Variants in ZNF682 observed in about 807,000 individuals in gnomAD.
The protein encoded by ZNF682 is zinc finger protein 682.
Under a neutral mutation model 36.5 loss-of-function variants are expected in ZNF682, and 29 were observed. The ratio of observed to expected loss-of-function variants is 0.80; its 90% confidence interval spans 0.59 to 1.08. The LOEUF is 1.08. ZNF682 is among the 50% of genes least tolerant of loss of function. The pLI, the probability that ZNF682 is intolerant of heterozygous loss-of-function variation, is 0.00. For missense variants in ZNF682, 561 were observed against 579.7 expected (o/e 0.97, Z 0.33); for synonymous variants, 180 against 197.0 (o/e 0.91, Z 0.72).
chr19:20,023,587 CCTACCCAATA>C lies in ZNF682; in HGVS notation c.131-498_131-489del, dbSNP rs1050697224. ...TTTATATTTGTGGGTCTTTAGCTTC[CCTACCCAATA>C]CTACTTAATCGAAAATTGGTGGTAG... On this transcript the variant is annotated intron_variant, in intron 2 of 3. Coordinates refer to ENST00000397165, the MANE Select transcript of ZNF682 (RefSeq NM_033196.3). Among the ~76,000 whole-genome samples, 69 of 151,998 alleles carry C rather than the reference CCTACCCAATA, an allele frequency of 4.5e-4. 1 individual carries two copies. Among genetic ancestry groups the C allele is most frequent in the African/African-American group, 1.6e-3 (68 of 41,364 alleles).
At position 20,039,422 on chromosome 19, in the gene ZNF682, G is replaced by C. The variant is rs2088564689; in HGVS notation, c.-77C>G. The C allele has an allele frequency of 5.0e-6, 8 of 1,593,356 alleles. No individual in the cohort carries two copies. Among genetic ancestry groups the C allele is most frequent in the Non-Finnish European group, 5.1e-6 (6 of 1,169,774 alleles). ...TGCAAGTCAGAGGGCAACAGAGGCT[G>C]CGACAGTCACCGGGAACTACTAGAG... is the stretch of plus-strand genomic sequence containing the variant. On this transcript the variant is annotated 5_prime_UTR_variant, in exon 1 of 4. Coordinates refer to ENST00000397165, the MANE Select transcript of ZNF682 (RefSeq NM_033196.3).
chr19:20,028,415 T>C (rs2088451142), intron 1 of ZNF682, among the ~76,000 whole-genome samples: 1 of 152,122 alleles, frequency 6.6e-6, no homozygotes, highest in South Asian at 2.1e-4. Flanking sequence ...TTTCACGATA[T>C]TGGCTAGGCT....
intron 1 of ZNF682, among the ~76,000 whole-genome samples, chr19:20,026,750 G>T (rs778819272): frequency 2.6e-5 from 4 of 152,194 alleles, no homozygotes; most frequent in African/African-American, 9.7e-5. Flanking sequence ...ACAGGCATGA[G>T]CCACTGTGCC....
chr19:20,012,786 A>G (rs1439246512), intron 3 of ZNF682, among the ~76,000 whole-genome samples: 12 of 140,574 alleles, frequency 8.5e-5, no homozygotes, highest in Admixed American at 5.7e-4. Context: ...AAAAAAAAAA[A>G]GAAATTTAAA....
downstream of ZNF682, among the ~76,000 whole-genome samples, chr19:20,002,965 C>T (rs142594139): frequency 1.0e-2 from 1,503 of 150,630 alleles, 75 homozygotes; most frequent in Admixed American, 0.075. Flanking sequence ...CTGAGGCGGG[C>T]GGATCACGAG....
intron 3 of ZNF682, among the ~76,000 whole-genome samples, chr19:20,013,056 C>A (rs181929222): frequency 6.6e-6 from 1 of 152,086 alleles, no homozygotes; most frequent in East Asian, 1.9e-4. Flanking sequence ...CAACTACATT[C>A]TTTTTACAAG....
At chr19:20,017,762 T>G (rs936087338) in intron 3 of ZNF682, among the ~76,000 whole-genome samples, 1 of 152,170 alleles carries the variant, frequency 6.6e-6, no homozygotes, top group Non-Finnish European at 1.5e-5. Context: ...CATGATATTC[T>G]CAATTACACA....
chr19:20,018,274 T>C (rs1036682728), intron 3 of ZNF682, among the ~76,000 whole-genome samples: 2 of 151,294 alleles, frequency 1.3e-5, no homozygotes, highest in Non-Finnish European at 2.9e-5. Flanking sequence ...TTTGTATTTT[T>C]AGTAGAGACG....
At chr19:19,995,750 C>T (rs894383186), downstream of ZNF682, among the ~76,000 whole-genome samples, 1 of 143,428 alleles carries the variant, frequency 7.0e-6, no homozygotes, top group African/African-American at 2.6e-5. Flanking sequence ...TCTGTGAACA[C>T]ATGAAGAGGA....
chr19:20,026,555 G>A (rs59282137), intron 1 of ZNF682, among the ~76,000 whole-genome samples: 9 of 151,972 alleles, frequency 5.9e-5, no homozygotes, highest in African/African-American at 1.9e-4. Context: ...CTGCAACCTC[G>A]CCTCCTGGGT....
chr19:20,001,146 T>C (rs897322448), downstream of ZNF682, among the ~76,000 whole-genome samples: 93 of 152,314 alleles, frequency 6.1e-4, no homozygotes, highest in African/African-American at 2.1e-3. Flanking sequence ...TGTAGAAATA[T>C]TAGAGGAAAG....
chr19:20,024,255 G>C lies in ZNF682; in HGVS notation c.125C>G (p.Ser42Cys). 6.2e-7 allele frequency: 1 copy of C among 1,613,852 alleles called. No individual in the cohort carries two copies. Among genetic ancestry groups the C allele is most frequent in the Non-Finnish European group, 8.5e-7 (1 of 1,179,926 alleles). The change falls in exon 2 of 4, where the codon TCT (serine) becomes TGT (cysteine). Residue 42 changes from serine (S) to cysteine (C), a missense_variant. Physicochemically the swap from Ser to Cys is moderately radical, Grantham distance 112. Transcript: ENST00000397165. ...TGTATTGAAGTTATTCTCACCCAGAGAGACCAGGTTTCTGTAGTTCTCTAG... is the reference window on the plus strand; with the variant it reads ...TGTATTGAAGTTATTCTCACCCAGACAGACCAGGTTTCTGTAGTTCTCTAG... ...VMLENYRNLVSLGLTVSKPEL... is the reference protein window; with the variant it reads ...VMLENYRNLVCLGLTVSKPEL...
chr19:20,028,822 G>A lies in ZNF682; in HGVS notation c.4-4446C>T, dbSNP rs140311976. Among the ~76,000 whole-genome samples, 38 of 152,270 alleles carry A rather than the reference G, an allele frequency of 2.5e-4. No homozygotes were observed. The East Asian group carries it at 7.3e-3, about 29-fold the overall frequency. ...ATGCGATGTTTATGGAGCATGCGCTGTGTGCTCAGAAGCACACTATAGAGC... is the reference window on the plus strand; with the variant it reads ...ATGCGATGTTTATGGAGCATGCGCTATGTGCTCAGAAGCACACTATAGAGC... On this transcript the variant is annotated intron_variant, in intron 1 of 3. Coordinates refer to ENST00000397165, the MANE Select transcript of ZNF682 (RefSeq NM_033196.3).
chr19:19,997,374 G>A (rs796780698), intron 3 of ZNF682: 1 of 397,310 alleles, frequency 2.5e-6, no homozygotes, highest in Admixed American at 4.4e-5. Flanking sequence ...GACCTCAATG[G>A]TTTCACATAC....
chr19:20,029,759 T>C (rs921095527), intron 1 of ZNF682, among the ~76,000 whole-genome samples: 4 of 152,134 alleles, frequency 2.6e-5, no homozygotes, highest in Non-Finnish European at 5.9e-5. Context: ...GAGCAACTGC[T>C]GGATATGCAG....
chr19:20,029,655 T>C (rs1414177884), intron 1 of ZNF682, among the ~76,000 whole-genome samples: 2 of 150,938 alleles, frequency 1.3e-5, no homozygotes, highest in Non-Finnish European at 3.0e-5. Context: ...AAGCTGAAGA[T>C]AGACACAAGA....
Position 20,006,116 on chromosome 19 carries a change from A to T in ZNF682, c.1386T>A (p.Phe462Leu). The T allele has an allele frequency of 6.2e-7, 1 of 1,614,146 alleles. No homozygotes were observed. The highest frequency in any genetic ancestry group is 1.1e-5 in the South Asian group (1 of 91,088). ...RYKCEECGKA[F>L]KRCSHLNEHK... ...GTTCATTAAGATGTGAGCACCGTTT[A>T]AAAGCTTTGCCACATTCTTCACATT... is the stretch of plus-strand genomic sequence containing the variant. Residue 462 changes from phenylalanine (F) to leucine (L), a missense_variant, in exon 4 of 4, where the codon TTT becomes TTA. By Grantham distance (22) the Phe-to-Leu change is conservative. Coordinates refer to ENST00000397165, the MANE Select transcript of ZNF682 (RefSeq NM_033196.3).
At chr19:20,038,501 G>A (rs1272737939) in intron 1 of ZNF682, among the ~76,000 whole-genome samples, 1 of 151,822 alleles carries the variant, frequency 6.6e-6, no homozygotes, top group Non-Finnish European at 1.5e-5. Flanking sequence ...GTAGCTTTGA[G>A]ATTCTGTTTG....
rs1255296543 is a variant in ZNF682, at chr19:20,005,020, T to TA, written c.*984dup. 2.0e-5 allele frequency: 3 copies of TA among 152,200 alleles called. No individual in the cohort carries two copies. In the East Asian group the frequency reaches 5.8e-4, roughly 29 times the overall value. 9.4% of individuals were successfully genotyped at this position (152,200 alleles called of 1,614,324 possible). ...GAATCTTCTGATGTTCATTTAGACTTAATTTTTTATTAATTTTTTATATTT... is the reference window on the plus strand; with the variant it reads ...GAATCTTCTGATGTTCATTTAGACTTAAATTTTTTATTAATTTTTTATATTT... On this transcript the variant is annotated 3_prime_UTR_variant, in exon 4 of 4. Coordinates refer to ENST00000397165, the MANE Select transcript of ZNF682 (RefSeq NM_033196.3).
Sources: gnomAD v4.1 joint callset for allele counts (sites outside exome capture counted in the v4.1 genomes callset) on GRCh38, gnomAD v4.1.1 for gene constraint, MANE v1.5 for transcripts, NCBI Gene and HGNC (gene_info 2026-07-23, HGNC 2026-07-21) for gene names.